Variants in UTY observed in about 807,000 individuals in gnomAD.
UTY encodes ubiquitously transcribed tetratricopeptide repeat containing, Y-linked, also known as histone demethylase UTY.
In UTY, 12 loss-of-function variants were observed where a neutral mutation model predicts 32.5. That is an observed-to-expected ratio of 0.37 (90% confidence interval 0.24 to 0.60). The LOEUF (loss-of-function observed/expected upper bound fraction) is 0.60. Among genes scored for constraint, UTY ranks in the 20% least tolerant of loss-of-function variants. The pLI, the probability that UTY is intolerant of heterozygous loss-of-function variation, is 0.69. For missense variants in UTY, 303 were observed against 299.2 expected (o/e 1.01, Z -0.09); for synonymous variants, 131 against 103.4 (o/e 1.27, Z -1.62).
At chrY:13,283,170 C>T in intron 27 of UTY, among the ~76,000 whole-genome samples, 1 of 34,162 alleles carries the variant, frequency 2.9e-5, no homozygotes, top group Non-Finnish European at 7.3e-5. Flanking sequence ...TGGAACCTGC[C>T]CCATTCCATC....
chrY:13,372,825 T>C (rs2065046899), intron 8 of UTY, among the ~76,000 whole-genome samples: 1 of 33,127 alleles, frequency 3.0e-5, no homozygotes, highest in Non-Finnish European at 7.5e-5. Context: ...AATAAGCACA[T>C]GAAAGGATGC....
chrY:13,248,287 G>C (rs9786378), downstream of UTY: 5,013 of 33,399 alleles, frequency 0.15, no homozygotes, highest in African/African-American at 0.57. Context: ...TATTTAAATA[G>C]CTTCTATTAA....
chrY:13,309,045 G>T, intron 21 of UTY, among the ~76,000 whole-genome samples: 1 of 33,286 alleles, frequency 3.0e-5, no homozygotes, highest in Non-Finnish European at 7.4e-5. Context: ...GGGGAAATGT[G>T]ACTGTGGATG....
chrY:13,369,617 T>C (rs1043338525), intron 8 of UTY, among the ~76,000 whole-genome samples: 2 of 33,352 alleles, frequency 6.0e-5, no homozygotes, highest in African/African-American at 1.2e-4. Context: ...AAAGTAAAAA[T>C]TGCTAATATT....
rs2065853816 is a variant in UTY at position 13,379,957 on chromosome Y, T to C, written c.646-10608A>G. Among the ~76,000 whole-genome samples, 3 of 17,739 alleles carry C rather than the reference T, an allele frequency of 1.7e-4. No homozygotes were observed. The Admixed American group carries it at 2.0e-3, about 12-fold the overall frequency. The allele number at this position is 17,739 out of a possible 37,273, so 47.6% of individuals were successfully genotyped here. A position where few individuals can be genotyped will look rare whatever the true frequency, so the allele number is the denominator to read the frequency against. On this transcript the variant is annotated intron_variant, in intron 8 of 29. Coordinates refer to ENST00000545955, the MANE Select transcript of UTY (RefSeq NM_001258249.2). ...ATGTGTATTTATATATATAGATGTG[T>C]GTATATAAATATATATATATACATC... is the stretch of plus-strand genomic sequence containing the variant.
At position 13,297,932 on chromosome Y, in the gene UTY, G is replaced by A. The variant is rs34141256; in HGVS notation, c.3869-84C>T. On this transcript the variant is annotated intron_variant, in intron 26 of 29. Coordinates refer to ENST00000545955, the MANE Select transcript of UTY (RefSeq NM_001258249.2). ...AACCATCATTTATCACCTCTCAGGT[G>A]ACAACTGCAATACCAATTCTGAAAA... 1,882 of 208,973 alleles carry A rather than the reference G, an allele frequency of 9.0e-3. No individual in the cohort carries two copies. The East Asian group carries it at 0.2, about 22-fold the overall frequency. The allele number at this position is 208,973 out of a possible 400,897, so 52.1% of individuals were successfully genotyped here.
chrY:13,268,223 C>A, intron 27 of UTY, among the ~76,000 whole-genome samples: 1 of 32,970 alleles, frequency 3.0e-5, no homozygotes, highest in South Asian at 6.8e-4. Flanking sequence ...TTTGTTTATT[C>A]CTTTTCATTC....
At chrY:13,277,542 C>T in intron 27 of UTY, among the ~76,000 whole-genome samples, 1 of 33,563 alleles carries the variant, frequency 3.0e-5, no homozygotes, top group African/African-American at 1.2e-4. Context: ...CCCCAAACCC[C>T]GTCAGTGACT....
chrY:13,289,031 C>G, intron 27 of UTY, among the ~76,000 whole-genome samples: 1 of 33,566 alleles, frequency 3.0e-5, no homozygotes, highest in African/African-American at 1.2e-4. Flanking sequence ...GATTTAAACT[C>G]TAAGAGTAAT....
Position 13,298,972 on chromosome Y carries a change from C to T in UTY, c.3853G>A (p.Val1285Ile). 2.5e-6 allele frequency: 1 copy of T among 395,340 alleles called. No individual in the cohort carries two copies. The highest frequency in any genetic ancestry group is 3.5e-6 in the Non-Finnish European group (1 of 281,984). The change falls in exon 26 of 30, where the codon GTT becomes ATT. Residue 1285 changes from valine to isoleucine, a missense_variant. By Grantham distance (29) the Val-to-Ile change is conservative (BLOSUM62 3). Transcript: ENST00000545955. ...VGWCNNIAWN[V>I]GPLTACQYKL... is the part of the protein sequence containing the mutation. ...TTCAGAATACCTGTAAGTGGACCAACATTCCAGGCAATGTTATTGCACCAG... is the reference window on the plus strand; with the variant it reads ...TTCAGAATACCTGTAAGTGGACCAATATTCCAGGCAATGTTATTGCACCAG...
chrY:13,415,597 A>T, intron 4 of UTY, among the ~76,000 whole-genome samples: 1 of 33,891 alleles, frequency 3.0e-5, no homozygotes. Flanking sequence ...TTAGATATAC[A>T]AACACCATTG....
At chrY:13,281,129 G>T (rs1603297823) in intron 27 of UTY, among the ~76,000 whole-genome samples, 6 of 33,440 alleles carry the variant, frequency 1.8e-4, no homozygotes, top group African/African-American at 4.6e-4. Context: ...TACCAGACTC[G>T]CTCTACAAGA....
chrY:13,446,599 T>TAGACAGAC (rs2075829043), intron 4 of UTY, among the ~76,000 whole-genome samples: 4 of 25,760 alleles, frequency 1.6e-4, no homozygotes, highest in African/African-American at 6.0e-4. Flanking sequence ...GATAGATAGA[T>TAGACAGAC]AGATAGATAG....
intron 4 of UTY, among the ~76,000 whole-genome samples, chrY:13,425,576 C>T: frequency 2.9e-5 from 1 of 34,365 alleles, no homozygotes; most frequent in Non-Finnish European, 7.3e-5. Context: ...TTGAGATTTT[C>T]CACAGGGCCT....
At chrY:13,421,968 T>A in intron 4 of UTY, among the ~76,000 whole-genome samples, 1 of 33,441 alleles carries the variant, frequency 3.0e-5, no homozygotes, top group African/African-American at 1.2e-4. Flanking sequence ...TATAATTTTT[T>A]TTAATAGAAA....
intron 8 of UTY, among the ~76,000 whole-genome samples, chrY:13,382,113 G>T: frequency 3.1e-5 from 1 of 32,371 alleles, no homozygotes; most frequent in Non-Finnish European, 7.5e-5. Flanking sequence ...GCCAAGCAAC[G>T]TTTTCTGGGA....
chrY:13,366,343 T>C lies in UTY; in HGVS notation c.790A>G (p.Ser264Gly). ...TTTTGGAGATACTGAATAGCATAGC[T>C]TTCCTTTGTGGCTTTGTCTCCTACT... ...DLVGDKATKE[S>G]YAIQYLQKSL... The change falls in exon 10 of 30, where the codon AGC (serine) becomes GGC (glycine). Residue 264 changes from serine (S) to glycine (G), a missense_variant. Transcript: ENST00000545955. 2 of 393,523 alleles carry C rather than the reference T, an allele frequency of 5.1e-6. No individual in the cohort carries two copies. Among genetic ancestry groups the C allele is most frequent in the Non-Finnish European group, 3.6e-6 (1 of 280,435 alleles).
intron 6 of UTY, among the ~76,000 whole-genome samples, chrY:13,403,745 T>C (rs1050043456): frequency 1.5e-4 from 5 of 32,969 alleles, no homozygotes; most frequent in African/African-American, 6.0e-4. Context: ...TAATCTTTAA[T>C]AAATTCCTTG....
intron 27 of UTY, among the ~76,000 whole-genome samples, chrY:13,281,288 G>T (rs2057001451): frequency 2.9e-5 from 1 of 33,962 alleles, no homozygotes; most frequent in African/African-American, 1.1e-4. Flanking sequence ...CTCTTTGCTT[G>T]TTTTTGCAAT....
Sources: gnomAD v4.1 joint callset for allele counts (sites outside exome capture counted in the v4.1 genomes callset) on GRCh38, gnomAD v4.1.1 for gene constraint, MANE v1.5 for transcripts, NCBI Gene and HGNC (gene_info 2026-07-23, HGNC 2026-07-21) for gene names.